DIAPH2: variants seen among roughly 807,000 people sequenced by gnomAD.
DIAPH2 encodes protein diaphanous homolog 2.
DIAPH2 carries 35 observed loss-of-function variants against 92.7 expected under a neutral mutation model. The observed-to-expected ratio is 0.38, with a 90% confidence interval of 0.29 to 0.50. The LOEUF (loss-of-function observed/expected upper bound fraction) is 0.50, where lower values mean the gene tolerates loss of function less well. Ranked by LOEUF, DIAPH2 falls within the 20% of genes least tolerant of loss-of-function variation. The probability of loss-of-function intolerance (pLI) is 0.94; values close to 1 mark genes in which losing one functional copy is unlikely to be tolerated. For missense variants in DIAPH2, 701 were observed against 819.5 expected (o/e 0.86, Z 1.77); for synonymous variants, 301 against 280.4 (o/e 1.07, Z -0.73).
In DIAPH2 at chrX:97,194,838, T is replaced by C. The variant is rs778403339; in HGVS notation, c.2720-52877T>C. Among the ~76,000 whole-genome samples, 25 of 112,428 alleles carry C rather than the reference T, an allele frequency of 2.2e-4. No individual in the cohort carries two copies. The East Asian group carries it at 6.7e-3, about 30-fold the overall frequency. On this transcript the variant is annotated intron_variant, in intron 22 of 26. Coordinates refer to ENST00000324765, the MANE Select transcript of DIAPH2 (RefSeq NM_006729.5). Reference sequence around the variant, plus strand: ...CACATTATTAGGAAAGCCTATTTTTTAGATCATTCAAAATTGTTTCCTAAA... The same window carrying C: ...CACATTATTAGGAAAGCCTATTTTTCAGATCATTCAAAATTGTTTCCTAAA...
intron 25 of DIAPH2, among the ~76,000 whole-genome samples, chrX:97,401,696 C>T (rs1472476051): frequency 9.0e-6 from 1 of 111,675 alleles, no homozygotes; most frequent in South Asian, 3.8e-4. Flanking sequence ...GGTAAGGGGA[C>T]AGCAATCCAT....
At chrX:97,159,801 A>G (rs1328042833) in intron 22 of DIAPH2, among the ~76,000 whole-genome samples, 1 of 112,227 alleles carries the variant, frequency 8.9e-6, no homozygotes, top group Non-Finnish European at 1.9e-5. Flanking sequence ...AAATTAAAAC[A>G]GAGTAAAGAA....
chrX:97,505,138 A>G (rs1418365357), intron 26 of DIAPH2, among the ~76,000 whole-genome samples: 2 of 112,315 alleles, frequency 1.8e-5, no homozygotes, highest in Non-Finnish European at 3.8e-5. Context: ...ATACTTTGCA[A>G]TTAAAGAGTT....
At chrX:97,582,757 T>C (rs1183265198) in intron 26 of DIAPH2, among the ~76,000 whole-genome samples, 2 of 111,222 alleles carry the variant, frequency 1.8e-5, no homozygotes, top group Non-Finnish European at 3.8e-5. Flanking sequence ...CTGGATAATA[T>C]CCTGCAGAGT....
intron 4 of DIAPH2, among the ~76,000 whole-genome samples, chrX:96,769,974 G>A (rs745932875): frequency 1.4e-4 from 16 of 111,802 alleles, no homozygotes; most frequent in Admixed American, 1.0e-3. Context: ...GAGGTGGGTG[G>A]ATCACTTGAG....
chrX:96,818,118 G>A (rs5950024), intron 4 of DIAPH2, among the ~76,000 whole-genome samples: 1,656 of 26,291 alleles, frequency 0.063, 97 homozygotes, highest in African/African-American at 0.22. Context: ...AGCTGGGACG[G>A]CAGGTGCCCG....
chrX:97,315,968 A>C (rs1468218246), intron 23 of DIAPH2, among the ~76,000 whole-genome samples: 1 of 112,002 alleles, frequency 8.9e-6, no homozygotes, highest in South Asian at 3.7e-4. Flanking sequence ...TCACATATTT[A>C]TTAAGCCGAT....
intron 22 of DIAPH2, among the ~76,000 whole-genome samples, chrX:97,229,853 CATAT>C (rs1479501649): frequency 1.2e-4 from 11 of 93,884 alleles, no homozygotes; most frequent in Admixed American, 2.4e-4. Context: ...TTATATATAA[CATAT>C]TATATATTAT....
chrX:96,915,491 A>G (rs1254175364), intron 7 of DIAPH2, among the ~76,000 whole-genome samples: 6 of 109,045 alleles, frequency 5.5e-5, no homozygotes, highest in African/African-American at 1.3e-4. Flanking sequence ...AGCTTTAGCT[A>G]TGTTCCCCAT....
chrX:97,316,485 CAAA>C (rs55897560), intron 23 of DIAPH2, among the ~76,000 whole-genome samples: 1,068 of 59,284 alleles, frequency 0.018, 27 homozygotes, highest in African/African-American at 0.064. Context: ...ACTAAAAATA[CAAA>C]AAAAAAAAAA....
chrX:97,031,442 C>T (rs887003772), intron 17 of DIAPH2, among the ~76,000 whole-genome samples: 14 of 111,053 alleles, frequency 1.3e-4, no homozygotes, highest in South Asian at 3.8e-4. Flanking sequence ...TTACAGCCTA[C>T]CTCAATGCAC....
intron 17 of DIAPH2, among the ~76,000 whole-genome samples, chrX:96,980,526 G>T (rs1055294802): frequency 4.5e-5 from 5 of 110,481 alleles, no homozygotes; most frequent in Non-Finnish European, 9.5e-5. Flanking sequence ...CAACACTCAA[G>T]TGGGAAAACG....
At position 97,141,879 on chromosome X, in the gene DIAPH2, TA is replaced by T. The variant is rs765979982; in HGVS notation, c.2719+89del. 99 of 1,019,328 alleles carry T rather than the reference TA, an allele frequency of 9.7e-5. No individual in the cohort carries two copies. The East Asian group carries it at 3.3e-3, about 34-fold the overall frequency. 84.0% of individuals were successfully genotyped at this position (1,019,328 alleles called of 1,213,427 possible). Reference sequence around the variant, plus strand: ...TTAAAGAATCTGTAAACATTATTCATAAAAGTATTTTTTGTTTGTTTACTGA... The same window carrying T: ...TTAAAGAATCTGTAAACATTATTCATAAAGTATTTTTTGTTTGTTTACTGA... On this transcript the variant is annotated intron_variant, in intron 22 of 26. Transcript: ENST00000324765.
intron 26 of DIAPH2, among the ~76,000 whole-genome samples, chrX:97,440,618 AAG>A (rs1357427938): frequency 9.2e-6 from 1 of 108,577 alleles, no homozygotes; most frequent in Admixed American, 9.9e-5. Context: ...AAAAAAAAGA[AAG>A]AGAGAGTGTG....
chrX:97,085,573 C>T (rs753067146), intron 19 of DIAPH2, among the ~76,000 whole-genome samples: 5 of 110,324 alleles, frequency 4.5e-5, no homozygotes, highest in South Asian at 3.9e-4. Context: ...TACAGACCAC[C>T]GCCCGGCTAA....
chrX:97,266,717 A>G (rs1196729222), intron 23 of DIAPH2, among the ~76,000 whole-genome samples: 1 of 111,977 alleles, frequency 8.9e-6, no homozygotes, highest in African/African-American at 3.2e-5. Context: ...TGTTTTGGTA[A>G]AGTATAAAAC....
At chrX:97,383,755 CTG>C (rs1480922595) in intron 24 of DIAPH2, among the ~76,000 whole-genome samples, 152 bp from the exon 25 acceptor site, 3 of 110,312 alleles carry the variant, frequency 2.7e-5, no homozygotes, top group Non-Finnish European at 3.8e-5. Context: ...AAATTTAAAA[CTG>C]TGCAATTTCT....
At chrX:97,297,604 C>CTTT (rs11356320) in intron 23 of DIAPH2, among the ~76,000 whole-genome samples, 139 of 72,920 alleles carry the variant, frequency 1.9e-3, no homozygotes, top group African/African-American at 6.8e-3. Flanking sequence ...TTTTAGTGCA[C>CTTT]TTTTTTTTTT....
At position 96,738,636 on chromosome X, in the gene DIAPH2, T is replaced by G; in HGVS notation, c.216T>G (p.Pro72=). 2 of 1,206,381 alleles carry G rather than the reference T, an allele frequency of 1.7e-6. No individual in the cohort carries two copies. Among genetic ancestry groups the G allele is most frequent in the East Asian group, 5.9e-5 (2 of 33,734 alleles). The change falls in exon 3 of 27, where the codon CCT becomes CCG. Residue 72 remains proline (P), a synonymous_variant. Coordinates refer to ENST00000324765, the MANE Select transcript of DIAPH2 (RefSeq NM_006729.5). ...AATCTACTGTCAAAAAAGAAAAACCTCTTATTCAACATCCTATTGATTCTC... is the reference window on the plus strand; with the variant it reads ...AATCTACTGTCAAAAAAGAAAAACCGCTTATTCAACATCCTATTGATTCTC... ...FRKSTVKKEK[P]LIQHPIDSQV...
Sources: gnomAD v4.1 joint callset for allele counts (sites outside exome capture counted in the v4.1 genomes callset) on GRCh38, gnomAD v4.1.1 for gene constraint, MANE v1.5 for transcripts, NCBI Gene and HGNC (gene_info 2026-07-23, HGNC 2026-07-21) for gene names.